The following HDAC9 variants were observed in gnomAD, a reference collection of about 807,000 sequenced individuals.
HDAC9 encodes MEF-2 interacting transcription repressor (MITR) protein.
A neutral mutation model predicts 139.4 loss-of-function variants in HDAC9; 41 were observed. The ratio of observed to expected loss-of-function variants is 0.29; its 90% confidence interval spans 0.23 to 0.38. The LOEUF (loss-of-function observed/expected upper bound fraction) is 0.38, where lower values mean the gene tolerates loss of function less well. Ranked by LOEUF, HDAC9 falls within the 10% of genes least tolerant of loss-of-function variation. The pLI is 1.00. For synonymous variants in HDAC9, 517 were observed against 476.2 expected (o/e 1.09, Z -1.12); for missense variants, 1,147 against 1,297.0 (o/e 0.88, Z 1.78).
intron 1 of HDAC9, among the ~76,000 whole-genome samples, chr7:18,124,690 A>G (rs1356319165): frequency 6.6e-6 from 1 of 151,940 alleles, no homozygotes; most frequent in Non-Finnish European, 1.5e-5. Flanking sequence ...TTATTTATGT[A>G]TTTGTTTATT....
At chr7:18,797,245 T>G (rs1792880075) in intron 17 of HDAC9, among the ~76,000 whole-genome samples, 1 of 152,132 alleles carries the variant, frequency 6.6e-6, no homozygotes, top group Non-Finnish European at 1.5e-5. Context: ...TTTCAACCAC[T>G]CTATCAGGAC....
At chr7:18,782,587 G>A (rs546128465) in intron 16 of HDAC9, among the ~76,000 whole-genome samples, 22 of 152,156 alleles carry the variant, frequency 1.4e-4, no homozygotes, top group Non-Finnish European at 2.9e-5. Context: ...TATGTGGCTA[G>A]AAAACATGTA....
intron 14 of HDAC9, among the ~76,000 whole-genome samples, chr7:18,754,977 T>C (rs1788754433): frequency 2.0e-5 from 3 of 152,132 alleles, no homozygotes; most frequent in Admixed American, 2.0e-4. Flanking sequence ...AGACATTTGT[T>C]TTATAGAGTA....
At chr7:18,382,114 T>A (rs1785497441) in intron 1 of HDAC9, among the ~76,000 whole-genome samples, 1 of 152,106 alleles carries the variant, frequency 6.6e-6, no homozygotes, top group South Asian at 2.1e-4. Flanking sequence ...GGAGAAAACC[T>A]ACGTGGTATT....
At chr7:18,429,204 G>A (rs955470643) in intron 1 of HDAC9, 6 of 152,128 alleles carry the variant, frequency 3.9e-5, no homozygotes, top group African/African-American at 1.2e-4. Context: ...TGTATTCCTA[G>A]CGCCTAGACC....
chr7:18,352,288 A>G (rs988591104), intron 1 of HDAC9, among the ~76,000 whole-genome samples: 2 of 152,210 alleles, frequency 1.3e-5, no homozygotes, highest in Non-Finnish European at 1.5e-5. Flanking sequence ...AGAGGTAGCA[A>G]ATATTATTTT....
In HDAC9 at chr7:18,501,739, T is replaced by C. The variant is rs548191284; in HGVS notation, c.22+5415T>C. 1.2e-4 allele frequency among the ~76,000 whole-genome samples: 19 copies of C among 152,318 alleles called. No homozygotes were observed. The South Asian group carries it at 3.9e-3, about 32-fold the overall frequency. ...GGAGGGGCTTTTTCTTTCAGCATCA[T>C]ACCTCTTTACAGTGTATGATTTTTT... On this transcript the variant is annotated intron_variant, in intron 2 of 25. Coordinates refer to ENST00000686413, the MANE Select transcript of HDAC9 (RefSeq NM_178425.4).
At chr7:18,589,330 A>G (rs1830318229) in intron 3 of HDAC9, among the ~76,000 whole-genome samples, 2 of 152,152 alleles carry the variant, frequency 1.3e-5, no homozygotes, top group South Asian at 4.1e-4. Context: ...GTTTGAGACT[A>G]GCCTGGGGAA....
At chr7:18,721,630 G>A (rs915045141) in intron 12 of HDAC9, among the ~76,000 whole-genome samples, 1 of 152,020 alleles carries the variant, frequency 6.6e-6, no homozygotes, top group Non-Finnish European at 1.5e-5. Flanking sequence ...TAGCCCATGA[G>A]TAACCACCCA....
intron 2 of HDAC9, among the ~76,000 whole-genome samples, chr7:18,280,338 C>T (rs1797020430): frequency 6.6e-6 from 1 of 152,064 alleles, no homozygotes; most frequent in Non-Finnish European, 1.5e-5. Flanking sequence ...GCCTGTGATC[C>T]CAGCACTTTG....
chr7:18,786,963 T>C, intron 16 of HDAC9, among the ~76,000 whole-genome samples: 1 of 151,984 alleles, frequency 6.6e-6, no homozygotes, highest in East Asian at 1.9e-4. Flanking sequence ...ATGAGGTTTA[T>C]AGAGAAACAG....
intron 2 of HDAC9, among the ~76,000 whole-genome samples, chr7:18,544,486 C>T (rs190187739): frequency 2.0e-5 from 3 of 152,228 alleles, no homozygotes; most frequent in Admixed American, 6.5e-5. Context: ...AGGGTCAGAA[C>T]AGAGATATGT....
At chr7:18,228,525 C>G (rs907993269) in intron 2 of HDAC9, among the ~76,000 whole-genome samples, 7 of 152,036 alleles carry the variant, frequency 4.6e-5, no homozygotes, top group African/African-American at 1.7e-4. Flanking sequence ...ATTTCCTTCC[C>G]CTGATGAAGT....
intron 22 of HDAC9, among the ~76,000 whole-genome samples, chr7:18,915,728 C>G (rs555483161): frequency 6.6e-6 from 1 of 151,578 alleles, no homozygotes. Flanking sequence ...TGTCTGACAG[C>G]CCAGAAATTA....
intron 2 of HDAC9, among the ~76,000 whole-genome samples, chr7:18,224,562 C>T (rs981390896): frequency 2.6e-5 from 4 of 152,142 alleles, no homozygotes; most frequent in Admixed American, 2.0e-4. Context: ...GCTTGTGTCA[C>T]AGTAGGTTCT....
At chr7:18,914,887 A>C (rs1193964700) in intron 22 of HDAC9, among the ~76,000 whole-genome samples, 1 of 152,102 alleles carries the variant, frequency 6.6e-6, no homozygotes, top group East Asian at 1.9e-4. Flanking sequence ...AAAGAGTATA[A>C]ATATTGGAAT....
At chr7:18,261,831 T>C (rs553968896) in intron 2 of HDAC9, among the ~76,000 whole-genome samples, 62 of 152,342 alleles carry the variant, frequency 4.1e-4, no homozygotes, top group African/African-American at 1.4e-3. Context: ...TTTAAAGATT[T>C]CGTGTGTGCA....
At chr7:18,216,510 A>G (rs1383839716) in intron 2 of HDAC9, among the ~76,000 whole-genome samples, 1 of 152,268 alleles carries the variant, frequency 6.6e-6, no homozygotes, top group East Asian at 1.9e-4. Flanking sequence ...TAAGTTAAAG[A>G]TAGGGAATCT....
rs147794486 is a variant in HDAC9 at position 18,518,797 on chromosome 7, A to G, written c.22+22473A>G. On this transcript the variant is annotated intron_variant, in intron 2 of 25. Transcript: ENST00000686413. ...TAGATATCTTTAAAATCAGAGATGT[A>G]TCTAACCCATTTTGGAAAGCATACC... 4.9e-3 allele frequency among the ~76,000 whole-genome samples: 740 copies of G among 152,330 alleles called. 6 individuals carry two copies. Among genetic ancestry groups the G allele is most frequent in the African/African-American group, 0.016 (666 of 41,582 alleles).
Sources: allele counts gnomAD v4.1 joint callset (sites outside exome capture counted in the v4.1 genomes callset), GRCh38; gene constraint gnomAD v4.1.1; transcripts MANE v1.5; gene names NCBI Gene and HGNC (gene_info 2026-07-23, HGNC 2026-07-21).